The following SLC28A1 variants were observed in gnomAD, a reference collection of about 807,000 sequenced individuals.
SLC28A1 encodes sodium/nucleoside cotransporter 1.
A neutral mutation model predicts 74.8 loss-of-function variants in SLC28A1; 64 were observed. The ratio of observed to expected loss-of-function variants is 0.86; its 90% CI spans 0.70 to 1.05. The LOEUF is 1.05. Among genes scored for constraint, SLC28A1 ranks in the 50% least tolerant of loss-of-function variants. The probability of loss-of-function intolerance (pLI) is 0.00; values close to 1 mark genes in which losing one functional copy is unlikely to be tolerated. For synonymous variants in SLC28A1, 359 were observed against 335.0 expected, an observed-to-expected ratio of 1.07 and a Z score of -0.78; for missense variants, 828 against 822.8, an observed-to-expected ratio of 1.01 and a Z score of -0.08.
At chr15:84,887,956 A>G in intron 3 of SLC28A1, 100 bp downstream of exon 3, 1 of 841,428 alleles carries the variant, frequency 1.2e-6, no homozygotes, top group South Asian at 1.4e-5. Context: ...CTTCCCTCAT[A>G]CCCCATTCTT....
intron 12 of SLC28A1, among the ~76,000 whole-genome samples, chr15:84,931,251 C>T (rs1301211632): frequency 6.6e-6 from 1 of 152,094 alleles, no homozygotes; most frequent in Non-Finnish European, 1.5e-5. Context: ...CAACTTACCT[C>T]CCTCCTCCTT....
At position 84,893,832 on chromosome 15, in the gene SLC28A1, G is replaced by A. The variant is rs556432221; in HGVS notation, c.278-1108G>A. Among the ~76,000 whole-genome samples the A allele has an allele frequency of 1.7e-4, 26 of 152,306 alleles. 1 individual carries two copies. In the East Asian group the frequency reaches 1.7e-3, roughly 10 times the overall value. On this transcript the variant is annotated intron_variant, in intron 5 of 18. Transcript: ENST00000394573. Reference sequence around the variant, plus strand: ...GGCATTCCTCTCTCTGCAGTCCTGGGACCTCCCTGGGACTCGACCAGGAAG... The same window carrying A: ...GGCATTCCTCTCTCTGCAGTCCTGGAACCTCCCTGGGACTCGACCAGGAAG...
chr15:84,900,046 G>A (rs923679329), intron 6 of SLC28A1, among the ~76,000 whole-genome samples: 5 of 152,068 alleles, frequency 3.3e-5, no homozygotes, highest in Admixed American at 6.6e-5. Flanking sequence ...GCCAGGTGTG[G>A]TAGCTCGTGT....
intron 6 of SLC28A1, chr15:84,895,455 C>T (rs764076434): frequency 2.5e-5 from 40 of 1,612,976 alleles, no homozygotes; most frequent in Admixed American, 1.5e-4. Context: ...GACAAAAAGC[C>T]GCAGGGACCA....
At chr15:84,950,356 CTCCTTTTT>C (rs2079375084), downstream of SLC28A1, among the ~76,000 whole-genome samples, 1 of 69,836 alleles carries the variant, frequency 1.4e-5, no homozygotes, top group Non-Finnish European at 2.5e-5. Context: ...AGTCGCCAGT[CTCCTTTTT>C]TTTTTTTTTT....
chr15:84,911,141 C>A (rs1968151143), intron 9 of SLC28A1, among the ~76,000 whole-genome samples: 1 of 151,988 alleles, frequency 6.6e-6, no homozygotes, highest in Non-Finnish European at 1.5e-5. Context: ...CCCCCGCCCA[C>A]CACTGGCCCG....
intron 15 of SLC28A1, among the ~76,000 whole-genome samples, chr15:84,940,127 T>A (rs1279309117): frequency 6.6e-6 from 1 of 152,166 alleles, no homozygotes; most frequent in East Asian, 1.9e-4. Flanking sequence ...CACGCCCGGC[T>A]CCAGTGGTGT....
the SLC28A1 span, among the ~76,000 whole-genome samples, chr15:84,953,626 A>G: frequency 2.6e-5 from 4 of 152,176 alleles, no homozygotes; most frequent in Non-Finnish European, 5.9e-5. Context: ...GGAGTCTGAG[A>G]CAGGAGGATT....
At chr15:84,912,626 T>C (rs1408330603) in intron 9 of SLC28A1, among the ~76,000 whole-genome samples, 2 of 152,070 alleles carry the variant, frequency 1.3e-5, no homozygotes, top group Non-Finnish European at 2.9e-5. Flanking sequence ...CTCTCATTCT[T>C]TCACTATTGT....
chr15:84,949,618 C>G (rs2079349973), downstream of SLC28A1, among the ~76,000 whole-genome samples: 1 of 149,458 alleles, frequency 6.7e-6, no homozygotes, highest in Admixed American at 6.7e-5. Context: ...TCTATGTTGC[C>G]CAGGCTGGTC....
At chr15:84,919,168 A>G (rs1230977297) in intron 10 of SLC28A1, among the ~76,000 whole-genome samples, 1 of 152,240 alleles carries the variant, frequency 6.6e-6, no homozygotes, top group Non-Finnish European at 1.5e-5. Flanking sequence ...AAAGATATTG[A>G]GAGACTGTAG....
chr15:84,894,121 C>T (rs8029287), intron 5 of SLC28A1, among the ~76,000 whole-genome samples: 76,945 of 151,914 alleles, frequency 0.51, 19,731 homozygotes, highest in Middle Eastern at 0.55. Flanking sequence ...CTTGTAATCG[C>T]AGCACTTTGG....
chr15:84,931,919 T>C (rs1971351480), intron 12 of SLC28A1, among the ~76,000 whole-genome samples: 1 of 151,618 alleles, frequency 6.6e-6, no homozygotes, highest in Non-Finnish European at 1.5e-5. Context: ...GGAGAATTGC[T>C]TAAACCCAGG....
rs1969411929 is a variant in SLC28A1, at chr15:84,918,533, A to G, written c.805A>G (p.Ile269Val). Residue 269 changes from isoleucine to valine, a missense_variant, in exon 10 of 19, where the codon ATC becomes GTC. Ile to Val is a conservative substitution (Grantham distance 29, BLOSUM62 3). This residue lies in a region of SLC28A1 where 767 missense variants were observed against 753.5 expected (regional missense o/e 1.02). Coordinates refer to ENST00000394573, the MANE Select transcript of SLC28A1 (RefSeq NM_004213.5). ...ATCTCCTTCCCGGCAGGTTCTGCCC[A>G]TCATTGTCTTTTTCAGCTGTGTCAT... Reference protein sequence around the residue: ...KDVFAFQVLPIIVFFSCVISV... With the variant: ...KDVFAFQVLPVIVFFSCVISV... 6.2e-7 allele frequency: 1 copy of G among 1,613,638 alleles called. No homozygotes were observed. Among genetic ancestry groups the G allele is most frequent in the Non-Finnish European group, 8.5e-7 (1 of 1,179,708 alleles).
At chr15:84,946,102 A>ATT (rs2079208773), downstream of SLC28A1, among the ~76,000 whole-genome samples, 1 of 13,646 alleles carries the variant, frequency 7.3e-5, no homozygotes, top group Non-Finnish European at 1.6e-4. Flanking sequence ...ATATATATAT[A>ATT]TATATATATA....
At chr15:84,931,092 G>C (rs1043703462) in intron 12 of SLC28A1, among the ~76,000 whole-genome samples, 5 of 151,670 alleles carry the variant, frequency 3.3e-5, no homozygotes, top group Admixed American at 1.3e-4. Flanking sequence ...TCTTAGTAGA[G>C]ATGGGGTTTC....
rs1971977789 is a variant in SLC28A1, at chr15:84,936,643, T to C, written c.1581+1125T>C. ...ATTTTTAAAAACTATAAAAGTTCTA[T>C]AAAATTAACCTTTCTAAAAGAATAG... is the stretch of plus-strand genomic sequence containing the variant. On this transcript the variant is annotated intron_variant, in intron 15 of 18. Coordinates refer to ENST00000394573, the MANE Select transcript of SLC28A1 (RefSeq NM_004213.5). Among the ~76,000 whole-genome samples, 4 of 152,232 alleles carry C rather than the reference T, an allele frequency of 2.6e-5. No individual in the cohort carries two copies. In the South Asian group the frequency reaches 8.3e-4, roughly 32 times the overall value.
At chr15:84,968,388 A>G in the SLC28A1 span, among the ~76,000 whole-genome samples, 6 of 152,332 alleles carry the variant, frequency 3.9e-5, no homozygotes, top group Non-Finnish European at 7.3e-5. Flanking sequence ...TGGAAGATCT[A>G]CTTCCAAGAT....
rs1475130641 is a variant in SLC28A1, at chr15:84,944,563, C to A, written c.1664-3C>A. On this transcript the variant is annotated splice_region_variant and splice_polypyrimidine_tract_variant and intron_variant, in intron 16 of 18. Transcript: ENST00000394573. Reference sequence around the variant, plus strand: ...GGCCCTGAGCACTTCTGTCCCCTTGCAGCCTCCATGGTCCCCCAACGGAAG... The same window carrying A: ...GGCCCTGAGCACTTCTGTCCCCTTGAAGCCTCCATGGTCCCCCAACGGAAG... The A allele has an allele frequency of 6.2e-7, 1 of 1,609,948 alleles. No individual in the cohort carries two copies. Among genetic ancestry groups the A allele is most frequent in the African/African-American group, 1.3e-5 (1 of 75,000 alleles).
Sources: gnomAD v4.1 joint callset for allele counts (sites outside exome capture counted in the v4.1 genomes callset) on GRCh38, gnomAD v4.1.1 for gene constraint, gnomAD v4.1.1 regional missense constraint, MANE v1.5 for transcripts, NCBI Gene and HGNC (gene_info 2026-07-23, HGNC 2026-07-21) for gene names.